HS3ST3B1: variants seen among roughly 807,000 people sequenced by gnomAD.
HS3ST3B1 encodes heparan sulfate glucosamine 3-O-sulfotransferase 3B1.
Under a neutral mutation model 21.3 loss-of-function variants are expected in HS3ST3B1, and 13 were observed. The ratio of observed to expected loss-of-function variants is 0.61; its 90% confidence interval spans 0.40 to 0.97. HS3ST3B1 has a LOEUF of 0.97. HS3ST3B1 is among the 50% of genes least tolerant of loss of function. The probability of loss-of-function intolerance (pLI) is 0.00; values close to 1 mark genes in which losing one functional copy is unlikely to be tolerated. For missense variants in HS3ST3B1, 459 were observed against 554.8 expected (o/e 0.83, Z 1.73); for synonymous variants, 234 against 254.8 (o/e 0.92, Z 0.78).
intron 1 of HS3ST3B1, chr17:14,304,020 A>G (rs1240385093): frequency 6.6e-6 from 1 of 152,190 alleles, no homozygotes; most frequent in East Asian, 1.9e-4. Context: ...GTTCTTTTTG[A>G]TTGACTAAAA....
At chr17:14,329,315 G>GAAAGAA (rs1909908780) in intron 1 of HS3ST3B1, 3 of 94,696 alleles carry the variant, frequency 3.2e-5, no homozygotes, top group Non-Finnish European at 6.1e-5. Context: ...GAGAGAAAGA[G>GAAAGAA]AGAAAGAAAG....
At chr17:14,324,583 A>G (rs757440039) in intron 1 of HS3ST3B1, among the ~76,000 whole-genome samples, 23 of 151,872 alleles carry the variant, frequency 1.5e-4, no homozygotes, top group Non-Finnish European at 2.9e-4. Context: ...TCAAATCTAC[A>G]TATTTCGTTT....
intron 1 of HS3ST3B1, among the ~76,000 whole-genome samples, chr17:14,319,369 G>A (rs182191276): frequency 6.6e-6 from 1 of 152,262 alleles, no homozygotes; most frequent in East Asian, 1.9e-4. Flanking sequence ...TTGTCATTAG[G>A]GCAGTCCCTG....
rs543506227 is a variant in HS3ST3B1, at chr17:14,329,309, G to A, written c.555-15719G>A. 1.2e-3 allele frequency: 163 copies of A among 134,390 alleles called. 1 individual carries two copies. The highest frequency in any genetic ancestry group is 4.3e-3 in the African/African-American group (146 of 34,302). 8.3% of individuals were successfully genotyped at this position (134,390 alleles called of 1,614,324 possible). ...ATGAGGAAATAAAGAAAGAAAGAGAGAAAGAGAGAAAGAAAGAAAGAAAGA... is the reference window on the plus strand; with the variant it reads ...ATGAGGAAATAAAGAAAGAAAGAGAAAAAGAGAGAAAGAAAGAAAGAAAGA... On this transcript the variant is annotated intron_variant, in intron 1 of 1. Coordinates refer to ENST00000360954, the MANE Select transcript of HS3ST3B1 (RefSeq NM_006041.3).
rs1252389560 is a variant in HS3ST3B1 at position 14,347,363 on chromosome 17, G to C, written c.*1717G>C. 2.0e-5 allele frequency: 3 copies of C among 152,122 alleles called. No individual in the cohort carries two copies. Among genetic ancestry groups the C allele is most frequent in the African/African-American group, 7.2e-5 (3 of 41,412 alleles). 9.4% of individuals were successfully genotyped at this position (152,122 alleles called of 1,614,324 possible). A position where few individuals can be genotyped will look rare whatever the true frequency, so the allele number is the denominator to read the frequency against. ...GCCATATAGTAATACAGGGGCAGTT[G>C]GTTAAACATATAGCAATATCACATA... On this transcript the variant is annotated 3_prime_UTR_variant, in exon 2 of 2. Transcript: ENST00000360954.
Position 14,303,937 on chromosome 17 carries a change from C to A in HS3ST3B1, c.554+1865C>A, listed in dbSNP as rs1909035945. 1 of 152,236 alleles carries A rather than the reference C, an allele frequency of 6.6e-6. No individual in the cohort carries two copies. Among genetic ancestry groups the A allele is most frequent in the Non-Finnish European group, 1.5e-5 (1 of 68,086 alleles). 9.4% of individuals were successfully genotyped at this position (152,236 alleles called of 1,614,324 possible). On this transcript the variant is annotated intron_variant, in intron 1 of 1. Transcript: ENST00000360954. The surrounding 1 kb of genome is among the most constrained non-coding windows in gnomAD (Gnocchi z 5.7). ...CTTAATGTCAGGCGGTTTTGAAGCACCTGGGGCAAGCTATGGAAATCCCCA... is the reference window on the plus strand; with the variant it reads ...CTTAATGTCAGGCGGTTTTGAAGCAACTGGGGCAAGCTATGGAAATCCCCA...
chr17:14,341,821 G>A (rs1301943238), intron 1 of HS3ST3B1, among the ~76,000 whole-genome samples: 3 of 152,156 alleles, frequency 2.0e-5, no homozygotes, highest in Non-Finnish European at 4.4e-5. Context: ...TTAACACAGG[G>A]GAAAAAGAAC....
At chr17:14,324,476 C>A (rs1162606640) in intron 1 of HS3ST3B1, among the ~76,000 whole-genome samples, 1 of 152,150 alleles carries the variant, frequency 6.6e-6, no homozygotes, top group African/African-American at 2.4e-5. Context: ...GTCTCGAACT[C>A]CTGGCCCCAA....
At chr17:14,327,539 A>T (rs1909854911) in intron 1 of HS3ST3B1, 1 of 152,228 alleles carries the variant, frequency 6.6e-6, no homozygotes, top group South Asian at 2.1e-4. Flanking sequence ...TGCGTCACTT[A>T]ATGTAATGGG....
At chr17:14,338,277 C>T (rs139419449) in intron 1 of HS3ST3B1, among the ~76,000 whole-genome samples, 8 of 151,422 alleles carry the variant, frequency 5.3e-5, no homozygotes, top group East Asian at 1.9e-4. Context: ...AGGTGCGTGC[C>T]GCCACGCCCG....
rs1220877656 is a variant in HS3ST3B1, at chr17:14,345,340, C to T, written c.867C>T (p.Ile289=). The T allele has an allele frequency of 2.8e-6, 3 of 1,082,770 alleles. No individual in the cohort carries two copies. The highest frequency in any genetic ancestry group is 2.6e-5 in the East Asian group (1 of 38,554). The allele number at this position is 1,082,770 out of a possible 1,614,324, so 67.1% of individuals were successfully genotyped here. A position where few individuals can be genotyped will look rare whatever the true frequency, so the allele number is the denominator to read the frequency against. ...AGCACTGGCTGCGCCACTTCCCCAT[C>T]CGCCAGATGCTCTTCGTGAGCGGCG... is the stretch of plus-strand genomic sequence containing the variant. ...HLEHWLRHFP[I]RQMLFVSGER... is the part of the protein sequence containing the mutation. The change falls in exon 2 of 2, where the codon ATC becomes ATT. Residue 289 remains isoleucine (I), a synonymous_variant. Transcript: ENST00000360954.
intron 1 of HS3ST3B1, among the ~76,000 whole-genome samples, chr17:14,324,805 G>T (rs1238980141): frequency 6.6e-6 from 1 of 152,096 alleles, no homozygotes; most frequent in Non-Finnish European, 1.5e-5. Context: ...TAGAGATAGG[G>T]TCTCCACTGT....
At chr17:14,310,765 G>A (rs982738064) in intron 1 of HS3ST3B1, among the ~76,000 whole-genome samples, 2 of 152,090 alleles carry the variant, frequency 1.3e-5, no homozygotes, top group Non-Finnish European at 2.9e-5. Context: ...ATGTGCTGTC[G>A]GGCTTGTCCC....
At chr17:14,326,028 TGTGTGTGCACGCAC>T (rs1313319307) in intron 1 of HS3ST3B1, among the ~76,000 whole-genome samples, 2 of 152,016 alleles carry the variant, frequency 1.3e-5, no homozygotes, top group Non-Finnish European at 1.5e-5. Flanking sequence ...TGTACGTGTG[TGTGTGTGCACGCAC>T]GTGTGTGCGT....
At chr17:14,314,453 G>T (rs1183977038) in intron 1 of HS3ST3B1, among the ~76,000 whole-genome samples, 5 of 152,118 alleles carry the variant, frequency 3.3e-5, no homozygotes, top group Non-Finnish European at 7.3e-5. Flanking sequence ...TCCCCTTCTG[G>T]TTACCGTCCC....
intron 1 of HS3ST3B1, among the ~76,000 whole-genome samples, chr17:14,330,997 C>T (rs1909993692): frequency 6.6e-6 from 1 of 152,092 alleles, no homozygotes; most frequent in Admixed American, 6.6e-5. Context: ...ATTTTGGTAC[C>T]CTCCTCCCCT....
At chr17:14,335,947 AG>A (rs1910174571) in intron 1 of HS3ST3B1, among the ~76,000 whole-genome samples, 1 of 152,236 alleles carries the variant, frequency 6.6e-6, no homozygotes, top group Non-Finnish European at 1.5e-5. Context: ...CTGGACACCA[AG>A]AATGATTTTT....
At position 14,338,702 on chromosome 17, in the gene HS3ST3B1, C is replaced by T. The variant is rs116458561; in HGVS notation, c.555-6326C>T. On this transcript the variant is annotated intron_variant, in intron 1 of 1. Transcript: ENST00000360954. ...AGGTGATCCAGCTGCCTTAGCCTCCCATAATGCTGGGATTACAGGTGTGAG... is the reference window on the plus strand; with the variant it reads ...AGGTGATCCAGCTGCCTTAGCCTCCTATAATGCTGGGATTACAGGTGTGAG... 1.4e-3 allele frequency among the ~76,000 whole-genome samples: 218 copies of T among 152,180 alleles called. 14 individuals are homozygous for T. The highest frequency in any genetic ancestry group is 5.0e-3 in the African/African-American group (206 of 41,460).
At position 14,313,117 on chromosome 17, in the gene HS3ST3B1, T is replaced by C. The variant is rs372317003; in HGVS notation, c.554+11045T>C. On this transcript the variant is annotated intron_variant, in intron 1 of 1. Transcript: ENST00000360954. ...TGGTGTGTGTGTGTGTGTATATATA[T>C]ATATATGTGTGTGTGTGTATATATA... Among the ~76,000 whole-genome samples the C allele has an allele frequency of 5.6e-3, 528 of 94,906 alleles. 1 individual carries two copies. Among genetic ancestry groups the C allele is most frequent in the East Asian group, 0.014 (25 of 1,738 alleles). 62.3% of individuals were successfully genotyped at this position (94,906 alleles called of 152,430 possible). A position where few individuals can be genotyped will look rare whatever the true frequency, so the allele number is the denominator to read the frequency against.
Sources: allele counts gnomAD v4.1 joint callset (sites outside exome capture counted in the v4.1 genomes callset), GRCh38; gene constraint gnomAD v4.1.1; non-coding constraint Gnocchi (gnomAD v3.1); transcripts MANE v1.5; gene names NCBI Gene and HGNC (gene_info 2026-07-23, HGNC 2026-07-21).